Variants in PTPRZ1 observed in about 807,000 individuals in gnomAD.
PTPRZ1 encodes the protein receptor-type tyrosine-protein phosphatase zeta.
Under a neutral mutation model 214.1 loss-of-function variants are expected in PTPRZ1, and 82 were observed. The observed-to-expected ratio is 0.38, with a 90% CI of 0.32 to 0.46. The LOEUF is 0.46. Ranked by LOEUF, PTPRZ1 falls within the 20% of genes least tolerant of loss-of-function variation. PTPRZ1 has a pLI of 1.00. For missense variants in PTPRZ1, 2,603 were observed against 2,748.7 expected (o/e 0.95, Z 1.19); for synonymous variants, 945 against 987.9 (o/e 0.96, Z 0.81).
rs145843131 is a variant in PTPRZ1, at chr7:121,916,787, G to A, written c.59-11369G>A. On this transcript the variant is annotated intron_variant, in intron 1 of 29. Transcript: ENST00000393386. ...CCAGTGCTGTCATTGGTCAAGATAG[G>A]TCACCAATTACAAGACTTGAAGATA... Among the ~76,000 whole-genome samples the A allele has an allele frequency of 1.4e-4, 22 of 152,318 alleles. No individual in the cohort carries two copies. The East Asian group carries it at 4.3e-3, about 29-fold the overall frequency.
chr7:121,902,748 T>C (rs1160850075), intron 1 of PTPRZ1, among the ~76,000 whole-genome samples: 1 of 152,090 alleles, frequency 6.6e-6, no homozygotes, highest in African/African-American at 2.4e-5. Context: ...GTTGTTTGAG[T>C]TCCTGAACTT....
chr7:121,973,284 A>G (rs1797312736), intron 4 of PTPRZ1, among the ~76,000 whole-genome samples: 1 of 152,178 alleles, frequency 6.6e-6, no homozygotes, highest in Non-Finnish European at 1.5e-5. Flanking sequence ...TATGATGGAT[A>G]TTATAGATTT....
At chr7:122,051,055 A>G (rs1792164446) in intron 23 of PTPRZ1, among the ~76,000 whole-genome samples, 1 of 152,192 alleles carries the variant, frequency 6.6e-6, no homozygotes, top group East Asian at 1.9e-4. Flanking sequence ...ATAAAATTGA[A>G]TTATATACAT....
At chr7:121,891,561 T>C (rs1794623453) in intron 1 of PTPRZ1, among the ~76,000 whole-genome samples, 1 of 150,202 alleles carries the variant, frequency 6.7e-6, no homozygotes, top group Non-Finnish European at 1.5e-5. Flanking sequence ...ATAACTTGCA[T>C]TGTCATTTTA....
intron 2 of PTPRZ1, among the ~76,000 whole-genome samples, chr7:121,960,267 C>T (rs910693701): frequency 1.3e-5 from 2 of 152,186 alleles, no homozygotes; most frequent in African/African-American, 2.4e-5. Context: ...TCTCAAACTC[C>T]TGACCTCAGG....
intron 1 of PTPRZ1, among the ~76,000 whole-genome samples, chr7:121,914,158 T>C (rs1206490): frequency 0.68 from 103,275 of 151,986 alleles, 36,748 homozygotes; most frequent in African/African-American, 0.9. Flanking sequence ...TAAATAAATA[T>C]GTAAAAGAAA....
chr7:121,939,064 T>C (rs1796170326), intron 2 of PTPRZ1, among the ~76,000 whole-genome samples: 3 of 152,240 alleles, frequency 2.0e-5, no homozygotes, highest in Admixed American at 1.3e-4. Context: ...ATATATTTGA[T>C]AGTTGTTACT....
In PTPRZ1 at chr7:122,024,883, C is replaced by G. The variant is rs773213171; in HGVS notation, c.4989-3669C>G. ...TCATAGTTATTGGTACATCCTCTAT[C>G]GATCCATCTGCCCATCCAGCCACCC... On this transcript the variant is annotated intron_variant, in intron 13 of 29. Transcript: ENST00000393386. Among the ~76,000 whole-genome samples the G allele has an allele frequency of 6.6e-5, 10 of 152,248 alleles. No individual in the cohort carries two copies. In the East Asian group the frequency reaches 1.9e-3, roughly 29 times the overall value.
In PTPRZ1 at chr7:121,976,782, C is replaced by A; in HGVS notation, c.553-3C>A. ...TTTTTAGAATGTGATTCTTTTTTAACAGGTTGGGACAGAAGAAAATTTGGA... is the reference window on the plus strand; with the variant it reads ...TTTTTAGAATGTGATTCTTTTTTAAAAGGTTGGGACAGAAGAAAATTTGGA... On this transcript the variant is annotated splice_polypyrimidine_tract_variant and splice_region_variant and intron_variant, in intron 5 of 29. Transcript: ENST00000393386. 1.3e-6 allele frequency: 2 copies of A among 1,582,288 alleles called. No individual in the cohort carries two copies. Among genetic ancestry groups the A allele is most frequent in the Admixed American group, 1.8e-5 (1 of 55,688 alleles).
chr7:121,934,524 C>A, intron 2 of PTPRZ1, among the ~76,000 whole-genome samples: 1 of 143,924 alleles, frequency 6.9e-6, no homozygotes, highest in African/African-American at 2.6e-5. Context: ...CTCTGCATTT[C>A]GATTTTCCCG....
chr7:121,912,229 G>T (rs1307534384), intron 1 of PTPRZ1, among the ~76,000 whole-genome samples: 10 of 152,132 alleles, frequency 6.6e-5, no homozygotes, highest in African/African-American at 1.2e-4. Flanking sequence ...ACAAGGCAAA[G>T]CTTACATTTC....
chr7:122,023,392 G>A (rs548003165), intron 13 of PTPRZ1, among the ~76,000 whole-genome samples: 3 of 149,364 alleles, frequency 2.0e-5, no homozygotes, highest in South Asian at 4.2e-4. Context: ...ATTTGGGTAG[G>A]TTCACTAGAT....
At position 122,011,280 on chromosome 7, in the gene PTPRZ1, A is replaced by T. The variant is rs1348050489; in HGVS notation, c.2234A>T (p.Tyr745Phe). Residue 745 changes from tyrosine (Y) to phenylalanine (F), a missense_variant, in exon 12 of 30, where the codon TAC becomes TTC. Around this residue, in one of 6 missense-constraint regions of PTPRZ1, gnomAD observed 1,913 missense variants for 1,914.3 expected, o/e 1.00. Transcript: ENST00000393386. ...TTGGTCTCCACGGTCAACGTGGTAT[A>T]CTCGCAGACAACCCAACCGGTATAC... ...QDLVSTVNVV[Y>F]SQTTQPVYNG... is the part of the protein sequence containing the mutation. The T allele has an allele frequency of 6.2e-7, 1 of 1,613,912 alleles. No homozygotes were observed. The highest frequency in any genetic ancestry group is 1.6e-4 in the Middle Eastern group (1 of 6,062).
At chr7:121,901,172 C>T (rs1186169671) in intron 1 of PTPRZ1, among the ~76,000 whole-genome samples, 1 of 152,072 alleles carries the variant, frequency 6.6e-6, no homozygotes, top group African/African-American at 2.4e-5. Context: ...AAAGTAGTAA[C>T]AGAGAGCAAT....
At chr7:121,922,082 C>T (rs1245828846) in intron 1 of PTPRZ1, among the ~76,000 whole-genome samples, 2 of 152,110 alleles carry the variant, frequency 1.3e-5, no homozygotes. Flanking sequence ...AGACTCTGTA[C>T]TCGTGGGCAA....
In PTPRZ1 at chr7:121,954,883, C is replaced by T. The variant is rs188744261; in HGVS notation, c.125-13068C>T. Among the ~76,000 whole-genome samples, 27 of 152,350 alleles carry T rather than the reference C, an allele frequency of 1.8e-4. No homozygotes were observed. In the East Asian group the frequency reaches 5.2e-3, roughly 29 times the overall value. ...TGCTATCATAATGGATCCACAGCTT[C>T]TTTCTTGTTCCTTGAATGTGACCAG... On this transcript the variant is annotated intron_variant, in intron 2 of 29. Coordinates refer to ENST00000393386, the MANE Select transcript of PTPRZ1 (RefSeq NM_002851.3).
intron 2 of PTPRZ1, among the ~76,000 whole-genome samples, chr7:121,959,745 A>G (rs1796819627): frequency 6.6e-6 from 1 of 152,232 alleles, no homozygotes; most frequent in African/African-American, 2.4e-5. Context: ...CATTGAAAAA[A>G]TACTGAATTA....
chr7:121,939,343 C>G (rs1185011910), intron 2 of PTPRZ1, among the ~76,000 whole-genome samples: 2 of 152,140 alleles, frequency 1.3e-5, no homozygotes, highest in East Asian at 1.9e-4. Context: ...GAACCAGTGC[C>G]AAAGCAAATC....
At chr7:121,969,357 T>C (rs569946063) in intron 3 of PTPRZ1, among the ~76,000 whole-genome samples, 46 of 151,920 alleles carry the variant, frequency 3.0e-4, no homozygotes, top group African/African-American at 1.0e-3. Flanking sequence ...AGGTCAGGAG[T>C]TCAAGACCAG....
Sources: gnomAD v4.1 joint callset for allele counts (sites outside exome capture counted in the v4.1 genomes callset) on GRCh38, gnomAD v4.1.1 for gene constraint, gnomAD v4.1.1 regional missense constraint, MANE v1.5 for transcripts, NCBI Gene and HGNC (gene_info 2026-07-23, HGNC 2026-07-21) for gene names.